ARRDC2: variants seen among roughly 807,000 people sequenced by gnomAD.
The protein encoded by ARRDC2 is arrestin domain-containing protein 2.
A neutral mutation model predicts 38.9 loss-of-function variants in ARRDC2; 39 were observed. The observed-to-expected ratio is 1.00, with a 90% CI of 0.78 to 1.31. The LOEUF (loss-of-function observed/expected upper bound fraction) is 1.31, where lower values mean the gene tolerates loss of function less well. Ranked by LOEUF, ARRDC2 falls within the 50% of genes most tolerant of loss-of-function variation. The probability of loss-of-function intolerance (pLI) is 0.00; values close to 1 mark genes in which losing one functional copy is unlikely to be tolerated. For synonymous variants in ARRDC2, 300 were observed against 261.9 expected, an observed-to-expected ratio of 1.15 and a Z score of -1.41; for missense variants, 553 against 588.4, an observed-to-expected ratio of 0.94 and a Z score of 0.62.
chr19:18,008,143 A>T, upstream of ARRDC2: 1 of 996,384 alleles, frequency 1.0e-6, no homozygotes, highest in Non-Finnish European at 1.3e-6. Context: ...CCTGCCGTAT[A>T]AAAGCGGCGC....
In ARRDC2 at chr19:18,002,861, G is replaced by A. The variant is rs565772788; in HGVS notation, c.259+1288G>A. ...CTCACGCCTGTAATCCCAGCACTTT[G>A]GGAGGCTGAGGCGGGCAGATCACCT... On this transcript the variant is annotated intron_variant, in intron 1 of 7. Transcript: ENST00000379656. 1.6e-4 allele frequency among the ~76,000 whole-genome samples: 24 copies of A among 152,322 alleles called. 1 individual carries two copies. The highest frequency in any genetic ancestry group is 5.5e-4 in the African/African-American group (23 of 41,572).
In ARRDC2 at chr19:18,010,742, G is replaced by A. The variant is rs373032802; in HGVS notation, c.1170+13G>A. Reference sequence around the variant, plus strand: ...CCTGTACTCTGAGGTGAGCTCAGGGGTCTGAGAACCACCCATGCCTCTCTG... The same window carrying A: ...CCTGTACTCTGAGGTGAGCTCAGGGATCTGAGAACCACCCATGCCTCTCTG... On this transcript the variant is annotated intron_variant, in intron 7 of 7. Transcript: ENST00000222250. 6.2e-7 allele frequency: 1 copy of A among 1,612,702 alleles called. No homozygotes were observed. The highest frequency in any genetic ancestry group is 1.3e-5 in the African/African-American group (1 of 75,008).
intron 1 of ARRDC2, among the ~76,000 whole-genome samples, chr19:18,002,801 C>T (rs1289877352): frequency 6.6e-6 from 1 of 152,142 alleles, no homozygotes; most frequent in Admixed American, 6.5e-5. Context: ...ACGGCGACTT[C>T]CTTAAAACAC....
chr19:18,003,888 C>T (rs2033225043), upstream of ARRDC2, among the ~76,000 whole-genome samples: 1 of 152,024 alleles, frequency 6.6e-6, no homozygotes, highest in African/African-American at 2.4e-5. Context: ...ATCTGCCCGC[C>T]TCGGCCTCCC....
upstream of ARRDC2, among the ~76,000 whole-genome samples, chr19:18,005,842 C>T (rs1245477731): frequency 3.3e-5 from 5 of 150,830 alleles, no homozygotes; most frequent in South Asian, 2.1e-4. Context: ...GGGTGGCAGC[C>T]GGGCGGAGGG....
chr19:18,003,353 G>A (rs530023362), upstream of ARRDC2, among the ~76,000 whole-genome samples: 293 of 152,088 alleles, frequency 1.9e-3, 2 homozygotes, highest in African/African-American at 6.6e-3. Flanking sequence ...TGCAACCTCT[G>A]CCTCCCATGT....
At chr19:18,003,522 G>A (rs1021052583), upstream of ARRDC2, among the ~76,000 whole-genome samples, 4 of 150,156 alleles carry the variant, frequency 2.7e-5, no homozygotes, top group African/African-American at 9.8e-5. Context: ...TGGCGCCGGC[G>A]CAATCTTGGC....
upstream of ARRDC2, among the ~76,000 whole-genome samples, chr19:18,005,268 G>A (rs1028456511): frequency 5.0e-4 from 76 of 152,188 alleles, no homozygotes; most frequent in African/African-American, 1.8e-3. Flanking sequence ...TTAACCCTGA[G>A]TGGACACAGC....
upstream of ARRDC2, among the ~76,000 whole-genome samples, chr19:18,005,964 C>T (rs547989307): frequency 1.5e-5 from 2 of 136,742 alleles, no homozygotes; most frequent in South Asian, 4.8e-4. Context: ...GCGGCCGGGC[C>T]GAGGCTCTCC....
At chr19:18,008,039 G>C (rs756051135), upstream of ARRDC2, 13 of 882,712 alleles carry the variant, frequency 1.5e-5, no homozygotes, top group Non-Finnish European at 1.2e-5. Context: ...TTGTTATTTT[G>C]CTCCACGCCT....
intron 7 of ARRDC2, among the ~76,000 whole-genome samples, chr19:18,011,272 T>C (rs1185348816): frequency 3.9e-5 from 6 of 152,024 alleles, no homozygotes; most frequent in Non-Finnish European, 8.8e-5. Flanking sequence ...GCTGGGATTA[T>C]ATGCGTGAGC....
At chr19:18,008,648 C>T (rs778810751) in intron 1 of ARRDC2, 63 bp from the exon 2 acceptor site, 3 of 1,604,008 alleles carry the variant, frequency 1.9e-6, no homozygotes, top group South Asian at 2.2e-5. Context: ...GACGGCGGTA[C>T]CTCCGTCAGC....
In ARRDC2 at chr19:18,009,965, CG is replaced by C. The variant is rs2033376183; in HGVS notation, c.778del (p.Ala260HisfsTer42). 5 of 1,603,416 alleles carry C rather than the reference CG, an allele frequency of 3.1e-6. No individual in the cohort carries two copies. The highest frequency in any genetic ancestry group is 4.2e-6 in the Non-Finnish European group (5 of 1,179,592). Reference protein sequence around the residue: ...GPGQRALWQGRALRIPPVGPS... With the variant: ...GPGQRALWQGXALRIPPVGPS... ...CGGGCAGCGGGCGCTGTGGCAGGGC[CG>C]GGCACTGCGGATCCCCCCAGTGGGT... is the stretch of plus-strand genomic sequence containing the variant. On this transcript the variant is annotated frameshift_variant, in exon 5 of 8. Coordinates refer to ENST00000222250, the MANE Select transcript of ARRDC2 (RefSeq NM_015683.2). LOFTEE classifies it high-confidence loss of function.
intron 1 of ARRDC2, chr19:18,001,576 G>C: frequency 7.5e-7 from 1 of 1,325,478 alleles, no homozygotes; most frequent in Non-Finnish European, 9.6e-7. Context: ...GCTCCGAGGT[G>C]AGACACTCGT....
chr19:18,009,565 C>T, intron 3 of ARRDC2, 27 bp from the exon 4 acceptor site: 6 of 1,559,146 alleles, frequency 3.8e-6, no homozygotes, highest in South Asian at 3.5e-5. Context: ...AGTGACTCAT[C>T]CATGTCACTT....
At chr19:18,003,653 T>C (rs1488815239), upstream of ARRDC2, among the ~76,000 whole-genome samples, 1 of 142,322 alleles carries the variant, frequency 7.0e-6, no homozygotes, top group South Asian at 2.2e-4. Context: ...TGTTTGTTTG[T>C]TTGGGGGACG....
rs564081439 is a variant in ARRDC2 at position 18,009,931 on chromosome 19, G to A, written c.741G>A (p.Pro247=). 5.8e-5 allele frequency: 93 copies of A among 1,606,162 alleles called. No homozygotes were observed. In the South Asian group the frequency reaches 8.0e-4, roughly 14 times the overall value. The part of the protein sequence containing the change: ...RAVVASLAGE[P]VGPGQRALWQ... ...TGGTGGCCAGCCTCGCGGGCGAGCC[G>A]GTGGGCCCCGGGCAGCGGGCGCTGT... Residue 247 remains proline, a synonymous_variant, in exon 5 of 8, where the codon CCG becomes CCA. Transcript: ENST00000222250.
chr19:18,003,025 G>C (rs1011424225), intron 1 of ARRDC2, among the ~76,000 whole-genome samples: 2 of 152,040 alleles, frequency 1.3e-5, no homozygotes, highest in African/African-American at 4.8e-5. Context: ...GCTTGAACCC[G>C]GCAGGCGGAG....
chr19:18,009,686 A>G lies in ARRDC2; in HGVS notation c.584A>G (p.Tyr195Cys), dbSNP rs1185983657. 3.7e-6 allele frequency: 6 copies of G among 1,611,856 alleles called. No homozygotes were observed. The highest frequency in any genetic ancestry group is 5.1e-6 in the Non-Finnish European group (6 of 1,178,584). ...TCGGCCAAGATCGACCGCAAGGGCT[A>G]CACCCCAGGTAGCAGGCGGACCGGA... ...SLSAKIDRKG[Y>C]TPGEVIPVFA... The change falls in exon 4 of 8, where the codon TAC becomes TGC. Residue 195 changes from tyrosine to cysteine, a missense_variant. Tyr to Cys is a radical substitution (Grantham distance 194, BLOSUM62 -2). Transcript: ENST00000222250.
Sources: allele counts gnomAD v4.1 joint callset (sites outside exome capture counted in the v4.1 genomes callset), GRCh38; gene constraint gnomAD v4.1.1; transcripts MANE v1.5; gene names NCBI Gene and HGNC (gene_info 2026-07-23, HGNC 2026-07-21).